The following GAP43 variants were observed in gnomAD, a reference collection of about 807,000 sequenced individuals.
The protein encoded by GAP43 is neuromodulin.
GAP43 carries 6 observed loss-of-function variants against 18.6 expected under a neutral mutation model. The ratio of observed to expected loss-of-function variants is 0.32; its 90% confidence interval spans 0.18 to 0.64. The LOEUF (loss-of-function observed/expected upper bound fraction) is 0.64. GAP43 is among the 30% of genes least tolerant of loss of function. The pLI, the probability that GAP43 is intolerant of heterozygous loss-of-function variation, is 0.78. For synonymous variants in GAP43, 115 were observed against 111.4 expected, an observed-to-expected ratio of 1.03 and a Z score of -0.20; for missense variants, 292 against 295.5, an observed-to-expected ratio of 0.99 and a Z score of 0.09.
At position 115,655,406 on chromosome 3, in the gene GAP43, T is replaced by G. The variant is rs530299075; in HGVS notation, c.31-20607T>G. Among the ~76,000 whole-genome samples, 407 of 152,354 alleles carry G rather than the reference T, an allele frequency of 2.7e-3. 3 individuals are homozygous for G. Among genetic ancestry groups the G allele is most frequent in the Non-Finnish European group, 4.5e-3 (303 of 68,020 alleles). On this transcript the variant is annotated intron_variant, in intron 1 of 2. Coordinates refer to ENST00000305124, the MANE Select transcript of GAP43 (RefSeq NM_002045.4). ...CAGGGTATATATTTATGTGACTATA[T>G]GGTAATCAGTATTATCCCTAAAAAT...
At chr3:115,689,292 C>G (rs913337401) in intron 2 of GAP43, among the ~76,000 whole-genome samples, 2 of 152,208 alleles carry the variant, frequency 1.3e-5, no homozygotes, top group Non-Finnish European at 2.9e-5. Flanking sequence ...CAGTTTCTCT[C>G]CCTCTCAGTA....
intron 1 of GAP43, among the ~76,000 whole-genome samples, chr3:115,639,634 A>T: frequency 6.6e-6 from 1 of 152,028 alleles, no homozygotes; most frequent in East Asian, 1.9e-4. Context: ...CCCCTTTATT[A>T]TGGGGGAAGT....
chr3:115,666,830 G>A (rs1162293906), intron 1 of GAP43, among the ~76,000 whole-genome samples: 1 of 152,174 alleles, frequency 6.6e-6, no homozygotes, highest in South Asian at 2.1e-4. Context: ...GCTGGATGAC[G>A]CTGGACTCCT....
chr3:115,631,655 C>T (rs1184123523), intron 1 of GAP43, among the ~76,000 whole-genome samples: 1 of 152,156 alleles, frequency 6.6e-6, no homozygotes, highest in Admixed American at 6.6e-5. Context: ...TGGAGTCTTG[C>T]TGCCATCCAG....
chr3:115,651,442 A>C (rs906339172), intron 1 of GAP43, among the ~76,000 whole-genome samples: 1 of 152,168 alleles, frequency 6.6e-6, no homozygotes, highest in African/African-American at 2.4e-5. Flanking sequence ...TGGCAAGATA[A>C]ATTTTACTAC....
chr3:115,676,267 C>A lies in GAP43; in HGVS notation c.285C>A (p.Gly95=). ...CTGCCGAAGCAGCCCCAGCCACTGG[C>A]TCCAAGCCTGATGAGCCCGGCAAAG... ...TTTAEAAPAT[G]SKPDEPGKAG... is the part of the protein sequence containing the mutation. The change falls in exon 2 of 3, where the codon GGC becomes GGA. Residue 95 remains glycine (G), a synonymous_variant. Coordinates refer to ENST00000305124, the MANE Select transcript of GAP43 (RefSeq NM_002045.4). 6.2e-7 allele frequency: 1 copy of A among 1,614,126 alleles called. No homozygotes were observed. The highest frequency in any genetic ancestry group is 8.5e-7 in the Non-Finnish European group (1 of 1,180,022).
chr3:115,699,807 G>A (rs1348419928), intron 2 of GAP43, among the ~76,000 whole-genome samples: 2 of 152,150 alleles, frequency 1.3e-5, no homozygotes, highest in East Asian at 1.9e-4. Flanking sequence ...TCTATTGGGA[G>A]TCATATGCAT....
intron 2 of GAP43, among the ~76,000 whole-genome samples, chr3:115,716,717 AATATATATATAT>A (rs3995850): frequency 0.052 from 2,262 of 43,778 alleles, 53 homozygotes; most frequent in East Asian, 0.12. Context: ...ATCTCAGACA[AATATATATATAT>A]ATATATATAT....
At chr3:115,660,981 A>T (rs1708650764) in intron 1 of GAP43, among the ~76,000 whole-genome samples, 1 of 152,086 alleles carries the variant, frequency 6.6e-6, no homozygotes. Context: ...CTTCATCCAG[A>T]TCTAAGATTG....
rs550613967 is a variant in GAP43, at chr3:115,691,415, G to A, written c.628+14805G>A. On this transcript the variant is annotated intron_variant, in intron 2 of 2. Coordinates refer to ENST00000305124, the MANE Select transcript of GAP43 (RefSeq NM_002045.4). ...ACCAGCTCTATGCCATTAATTCAGC[G>A]TCAGCTTTGTCATTGTGAAATAAAA... Among the ~76,000 whole-genome samples, 18 of 152,268 alleles carry A rather than the reference G, an allele frequency of 1.2e-4. No homozygotes were observed. In the South Asian group the frequency reaches 1.7e-3, roughly 14 times the overall value.
At chr3:115,641,509 T>TACACACACACACACACACACAC (rs1708395337) in intron 1 of GAP43, among the ~76,000 whole-genome samples, 1 of 47,752 alleles carries the variant, frequency 2.1e-5, no homozygotes, top group African/African-American at 6.6e-5. Flanking sequence ...CATATATATA[T>TACACACACACACACACACACAC]TCACACACAC....
chr3:115,638,952 T>C (rs986034685), intron 1 of GAP43, among the ~76,000 whole-genome samples: 1 of 152,120 alleles, frequency 6.6e-6, no homozygotes, highest in Non-Finnish European at 1.5e-5. Flanking sequence ...TCTTTTGCTA[T>C]ACCAGGAGCT....
intron 2 of GAP43, among the ~76,000 whole-genome samples, chr3:115,715,203 T>C (rs1577004381): frequency 6.6e-6 from 1 of 152,332 alleles, no homozygotes. Context: ...ATACTGTGAC[T>C]CATTTTTGTT....
At chr3:115,683,604 A>AG (rs3836327) in intron 2 of GAP43, among the ~76,000 whole-genome samples, 123,698 of 152,080 alleles carry the variant, frequency 0.81, 50,939 homozygotes, top group Admixed American at 0.87. Context: ...TGCTATCAAT[A>AG]TTTCATTTCC....
chr3:115,632,188 G>C (rs1030523859), intron 1 of GAP43, among the ~76,000 whole-genome samples: 2 of 151,830 alleles, frequency 1.3e-5, no homozygotes, highest in African/African-American at 4.8e-5. Context: ...TCCAAACTGG[G>C]TTCTCAGCAC....
chr3:115,690,188 C>T (rs1218249195), intron 2 of GAP43, among the ~76,000 whole-genome samples: 1 of 152,216 alleles, frequency 6.6e-6, no homozygotes, highest in Admixed American at 6.5e-5. Context: ...ATCTAAGTGG[C>T]AGATGGGGCA....
At chr3:115,663,964 C>A (rs774228599) in intron 1 of GAP43, 1 of 1,518,596 alleles carries the variant, frequency 6.6e-7, no homozygotes, top group South Asian at 1.2e-5. Flanking sequence ...AGGTTAAAAC[C>A]CTGACTCTGC....
chr3:115,648,446 A>G (rs974257179), intron 1 of GAP43, among the ~76,000 whole-genome samples: 2 of 152,090 alleles, frequency 1.3e-5, no homozygotes, highest in African/African-American at 4.8e-5. Context: ...AACTTGCCCT[A>G]TGATGTGTGG....
chr3:115,671,400 G>A (rs932399553), intron 1 of GAP43, among the ~76,000 whole-genome samples: 5 of 152,166 alleles, frequency 3.3e-5, no homozygotes, highest in African/African-American at 1.2e-4. Flanking sequence ...ACAAGTTAGT[G>A]TAATGGTACT....
Sources: allele counts gnomAD v4.1 joint callset (sites outside exome capture counted in the v4.1 genomes callset), GRCh38; gene constraint gnomAD v4.1.1; transcripts MANE v1.5; gene names NCBI Gene and HGNC (gene_info 2026-07-23, HGNC 2026-07-21).